The following TNS3 variants were observed in gnomAD, a reference collection of about 807,000 sequenced individuals.
TNS3 encodes tensin-3.
In TNS3, 45 loss-of-function variants were observed where a neutral mutation model predicts 140.9. The ratio of observed to expected loss-of-function variants is 0.32; its 90% CI spans 0.25 to 0.41. The LOEUF (loss-of-function observed/expected upper bound fraction) is 0.41, where lower values mean the gene tolerates loss of function less well. TNS3 is among the 10% of genes least tolerant of loss of function. TNS3 has a pLI of 1.00. For synonymous variants in TNS3, 815 were observed against 788.4 expected (o/e 1.03, Z -0.56); for missense variants, 1,716 against 1,906.7 (o/e 0.90, Z 1.86).
chr7:47,367,341 T>C (rs1171711861), intron 17 of TNS3, among the ~76,000 whole-genome samples: 1 of 152,154 alleles, frequency 6.6e-6, no homozygotes, highest in Non-Finnish European at 1.5e-5. Flanking sequence ...CACCTCCAGC[T>C]CTCTGGTCCC....
At chr7:47,294,526 A>G (rs1259214911) in intron 24 of TNS3, among the ~76,000 whole-genome samples, 1 of 152,168 alleles carries the variant, frequency 6.6e-6, no homozygotes, top group Non-Finnish European at 1.5e-5. Flanking sequence ...AGTCCAACAG[A>G]CCTTCACAGT....
rs140606187 is a variant in TNS3, at chr7:47,389,263, C to T, written c.1024+7537G>A. Among the ~76,000 whole-genome samples, 346 of 152,258 alleles carry T rather than the reference C, an allele frequency of 2.3e-3. 1 individual carries two copies. The highest frequency in any genetic ancestry group is 8.1e-3 in the African/African-American group (335 of 41,540). The stretch of plus-strand genomic sequence containing the variant: ...AAACAAGCCATCCACCTTGTAGACC[C>T]GTCTGCATGCACAGGACACCCCGTC... On this transcript the variant is annotated intron_variant, in intron 16 of 30. Transcript: ENST00000311160.
chr7:47,499,590 T>C (rs1251782669), intron 3 of TNS3, among the ~76,000 whole-genome samples: 1 of 152,152 alleles, frequency 6.6e-6, no homozygotes, highest in Non-Finnish European at 1.5e-5. Flanking sequence ...TTTAAATGCA[T>C]ATTATCAAGT....
Position 47,293,768 on chromosome 7 carries a change from A to G in TNS3, c.3737T>C (p.Val1246Ala). The G allele has an allele frequency of 6.2e-7, 1 of 1,614,022 alleles. No individual in the cohort carries two copies. Among genetic ancestry groups the G allele is most frequent in the Non-Finnish European group, 8.5e-7 (1 of 1,180,012 alleles). The change falls in exon 25 of 31, where the codon GTG (valine) becomes GCG (alanine). Residue 1246 changes from valine (V) to alanine (A), a missense_variant. Coordinates refer to ENST00000311160, the MANE Select transcript of TNS3 (RefSeq NM_022748.12). ...HFLIECTPKG[V>A]RLKGCSNEPY... ...TTCATTCGAGCACCCTTTCAACCGC[A>G]CTCCCTTCGGGGTACACTCGATCAA...
intron 17 of TNS3, 73 bp downstream of exon 17, chr7:47,368,292 C>T (rs1790823090): frequency 1.5e-6 from 2 of 1,369,072 alleles, no homozygotes; most frequent in African/African-American, 2.9e-5. Flanking sequence ...ACCTACTAGG[C>T]TGATTTCTCA....
At chr7:47,340,096 T>TAC (rs1292869703) in intron 20 of TNS3, among the ~76,000 whole-genome samples, 1 of 30,978 alleles carries the variant, frequency 3.2e-5, no homozygotes, top group Non-Finnish European at 7.2e-5. Flanking sequence ...CATATACATA[T>TAC]ATATATATAT....
intron 3 of TNS3, among the ~76,000 whole-genome samples, chr7:47,482,446 T>A (rs1044944854): frequency 6.6e-6 from 1 of 151,528 alleles, no homozygotes; most frequent in African/African-American, 2.4e-5. Flanking sequence ...GATGAATGGA[T>A]GAGAGAATAA....
chr7:47,529,210 C>A (rs1029253248), intron 1 of TNS3, 63 bp from the exon 2 acceptor site: 3 of 898,512 alleles, frequency 3.3e-6, no homozygotes, highest in Admixed American at 7.1e-5. Flanking sequence ...TTTTCCTTTT[C>A]ATTTAAGGGA....
Position 47,480,072 on chromosome 7 carries a change from G to A in TNS3, c.-76+1031C>T, listed in dbSNP as rs187540009. On this transcript the variant is annotated intron_variant, in intron 4 of 30. Transcript: ENST00000311160. ...GCAGGGAAGCTGCCACACGGGCGCC[G>A]CTGGCCGAGCCTGGGGAAGGATGTC... Among the ~76,000 whole-genome samples the A allele has an allele frequency of 4.6e-3, 703 of 152,326 alleles. 10 individuals are homozygous for A. Among genetic ancestry groups the A allele is most frequent in the African/African-American group, 0.014 (591 of 41,574 alleles).
chr7:47,379,072 C>T (rs1013769701), intron 16 of TNS3, among the ~76,000 whole-genome samples: 3 of 152,116 alleles, frequency 2.0e-5, no homozygotes, highest in African/African-American at 7.2e-5. Flanking sequence ...TAGGCTGTGG[C>T]CCAGAGCACA....
intron 20 of TNS3, among the ~76,000 whole-genome samples, chr7:47,313,836 G>T (rs1787243775): frequency 6.6e-6 from 1 of 152,174 alleles, no homozygotes; most frequent in Admixed American, 6.5e-5. Flanking sequence ...AGCAAGCCCA[G>T]CAATTCCCAT....
At chr7:47,546,200 C>T (rs75004339) in intron 1 of TNS3, among the ~76,000 whole-genome samples, 10 of 152,160 alleles carry the variant, frequency 6.6e-5, no homozygotes, top group Admixed American at 5.2e-4. Flanking sequence ...TCTGCTAAAG[C>T]GGATGATCAA....
intron 4 of TNS3, among the ~76,000 whole-genome samples, chr7:47,456,860 C>T (rs189695711): frequency 7.9e-5 from 12 of 152,000 alleles, no homozygotes; most frequent in Non-Finnish European, 1.2e-4. Context: ...TCCTTAAGGA[C>T]GCTTTCAGCT....
At position 47,329,605 on chromosome 7, in the gene TNS3, GTTGT is replaced by G. The variant is rs549216915; in HGVS notation, c.2650+15146_2650+15149del. On this transcript the variant is annotated intron_variant, in intron 20 of 30. Transcript: ENST00000311160. ...GGTCTGAGTAGGCATTTCCTCCCTG[GTTGT>G]TTATGTGTTGCAGAGCAGCAGCTCC... Among the ~76,000 whole-genome samples the G allele has an allele frequency of 9.2e-5, 14 of 152,300 alleles. No homozygotes were observed. The South Asian group carries it at 2.1e-3, about 23-fold the overall frequency.
At chr7:47,320,655 T>C (rs1787683934) in intron 20 of TNS3, among the ~76,000 whole-genome samples, 1 of 152,196 alleles carries the variant, frequency 6.6e-6, no homozygotes, top group South Asian at 2.1e-4. Flanking sequence ...ACAAGTCATG[T>C]TGGATGAGGG....
At chr7:47,423,616 A>G (rs1014929428) in intron 10 of TNS3, among the ~76,000 whole-genome samples, 5 of 152,270 alleles carry the variant, frequency 3.3e-5, no homozygotes, top group Admixed American at 6.5e-5. Context: ...TTGTGTAAGT[A>G]AAGTTTTATT....
intron 4 of TNS3, among the ~76,000 whole-genome samples, chr7:47,476,710 G>C (rs1797207604): frequency 6.6e-6 from 1 of 152,162 alleles, no homozygotes; most frequent in Non-Finnish European, 1.5e-5. Flanking sequence ...TTTCTCTGCT[G>C]ATTCTTGTTT....
At chr7:47,337,845 T>G (rs1252870643) in intron 20 of TNS3, among the ~76,000 whole-genome samples, 4 of 152,214 alleles carry the variant, frequency 2.6e-5, no homozygotes, top group Non-Finnish European at 4.4e-5. Context: ...CTGTTGCCTT[T>G]TTGGCTACTC....
Position 47,386,553 on chromosome 7 carries a change from C to T in TNS3, c.1024+10247G>A, listed in dbSNP as rs200759389. Among the ~76,000 whole-genome samples the T allele has an allele frequency of 2.0e-5, 3 of 152,240 alleles. No individual in the cohort carries two copies. The South Asian group carries it at 6.2e-4, about 31-fold the overall frequency. Reference sequence around the variant, plus strand: ...AGCAAAGTGGTCACCCTGTCTCTTACCCCGATCCATGGACCTCCATGCCAG... The same window carrying T: ...AGCAAAGTGGTCACCCTGTCTCTTATCCCGATCCATGGACCTCCATGCCAG... On this transcript the variant is annotated intron_variant, in intron 16 of 30. Transcript: ENST00000311160.
Sources: gnomAD v4.1 joint callset for allele counts (sites outside exome capture counted in the v4.1 genomes callset) on GRCh38, gnomAD v4.1.1 for gene constraint, MANE v1.5 for transcripts, NCBI Gene and HGNC (gene_info 2026-07-23, HGNC 2026-07-21) for gene names.